CBLB: variants seen among roughly 807,000 people sequenced by gnomAD.
CBLB encodes the protein Cbl proto-oncogene B, also known as E3 ubiquitin-protein ligase CBL-B.
CBLB carries 31 observed loss-of-function variants against 104.9 expected under a neutral mutation model. That is an observed-to-expected ratio of 0.30 (90% CI 0.22 to 0.40). The LOEUF (loss-of-function observed/expected upper bound fraction) is 0.40, where lower values mean the gene tolerates loss of function less well. Among genes scored for constraint, CBLB ranks in the 10% least tolerant of loss-of-function variants. CBLB has a pLI of 1.00. For missense variants in CBLB, 1,062 were observed against 1,214.6 expected (o/e 0.87, Z 1.87); for synonymous variants, 440 against 422.6 (o/e 1.04, Z -0.51).
At chr3:105,786,819 A>G (rs1266752030) in intron 3 of CBLB, among the ~76,000 whole-genome samples, 2 of 152,226 alleles carry the variant, frequency 1.3e-5, no homozygotes, top group African/African-American at 4.8e-5. Context: ...CAGAATAGTT[A>G]TATAGATAAA....
chr3:105,674,983 T>C (rs544764919), intron 17 of CBLB, among the ~76,000 whole-genome samples: 7 of 152,240 alleles, frequency 4.6e-5, no homozygotes, highest in African/African-American at 1.7e-4. Flanking sequence ...AATTTGACAA[T>C]CACTACTATA....
At chr3:105,857,693 C>G (rs1157399130) in intron 2 of CBLB, among the ~76,000 whole-genome samples, 2 of 152,090 alleles carry the variant, frequency 1.3e-5, no homozygotes, top group Non-Finnish European at 2.9e-5. Context: ...ATTCCATTTG[C>G]AAATTTACGT....
intron 3 of CBLB, among the ~76,000 whole-genome samples, chr3:105,803,553 T>C (rs2083146001): frequency 6.6e-6 from 1 of 152,154 alleles, no homozygotes; most frequent in South Asian, 2.1e-4. Flanking sequence ...AAGTCGAAAG[T>C]CAGGTAAGGC....
At chr3:105,760,341 T>A (rs1417493930) in intron 4 of CBLB, among the ~76,000 whole-genome samples, 1 of 152,186 alleles carries the variant, frequency 6.6e-6, no homozygotes, top group Non-Finnish European at 1.5e-5. Context: ...AGCCACTGAC[T>A]GTAAAAAATA....
chr3:105,860,277 T>G lies in CBLB; in HGVS notation c.169-6613A>C, dbSNP rs554070033. On this transcript the variant is annotated intron_variant, in intron 2 of 18. Transcript: ENST00000394030. ...GGTAAGGACGAACCTCTCAGGAAAA[T>G]TATATTACAAATAGCATATCCACAA... Among the ~76,000 whole-genome samples, 6 of 152,184 alleles carry G rather than the reference T, an allele frequency of 3.9e-5. No homozygotes were observed. The South Asian group carries it at 1.2e-3, about 32-fold the overall frequency.
chr3:105,794,567 T>C (rs1293815843), intron 3 of CBLB, among the ~76,000 whole-genome samples: 2 of 152,190 alleles, frequency 1.3e-5, no homozygotes, highest in Non-Finnish European at 2.9e-5. Flanking sequence ...CCTAAAGCTG[T>C]GACAGACCCA....
intron 18 of CBLB, among the ~76,000 whole-genome samples, chr3:105,662,067 G>A (rs16851417): frequency 0.018 from 2,678 of 152,256 alleles, 73 homozygotes; most frequent in African/African-American, 0.061. Flanking sequence ...GCAAGATCTG[G>A]TGCAACCTGA....
intron 3 of CBLB, among the ~76,000 whole-genome samples, chr3:105,835,629 C>T (rs1324375151): frequency 6.6e-6 from 1 of 152,212 alleles, no homozygotes; most frequent in African/African-American, 2.4e-5. Context: ...GGATTGCTAA[C>T]ATATTAAAAT....
At chr3:105,676,508 T>C (rs1176082619) in intron 17 of CBLB, among the ~76,000 whole-genome samples, 6 of 152,120 alleles carry the variant, frequency 3.9e-5, no homozygotes, top group South Asian at 2.1e-4. Context: ...AAGTTACGCA[T>C]ATAAAAGGTA....
At chr3:105,806,497 A>T (rs1405679896) in intron 3 of CBLB, among the ~76,000 whole-genome samples, 1 of 151,634 alleles carries the variant, frequency 6.6e-6, no homozygotes, top group Admixed American at 6.6e-5. Flanking sequence ...AAAAAAAAAC[A>T]GAAATTGTGT....
intron 3 of CBLB, among the ~76,000 whole-genome samples, chr3:105,813,523 C>A (rs1200222734): frequency 1.3e-5 from 2 of 151,970 alleles, no homozygotes; most frequent in Non-Finnish European, 2.9e-5. Flanking sequence ...AAAAATGAGT[C>A]CTAATTTCAA....
At chr3:105,847,137 GT>G (rs1428203563) in intron 3 of CBLB, among the ~76,000 whole-genome samples, 1 of 151,906 alleles carries the variant, frequency 6.6e-6, no homozygotes. Context: ...ATTGCAAAAT[GT>G]TTTTTGGTAC....
chr3:105,827,789 T>C (rs2086816649), intron 3 of CBLB, among the ~76,000 whole-genome samples: 1 of 152,168 alleles, frequency 6.6e-6, no homozygotes, highest in African/African-American at 2.4e-5. Context: ...TGAATAACTG[T>C]AATATAAAAG....
At position 105,696,153 on chromosome 3, in the gene CBLB, T is replaced by G. The variant is rs565229525; in HGVS notation, c.1960-2565A>C. ...TATTCCTATAAACTGTTCATAAATATGTACTGAGAGTTGACAATACGCCTA... is the reference window on the plus strand; with the variant it reads ...TATTCCTATAAACTGTTCATAAATAGGTACTGAGAGTTGACAATACGCCTA... On this transcript the variant is annotated intron_variant, in intron 12 of 18. Transcript: ENST00000394030. Among the ~76,000 whole-genome samples, 141 of 151,768 alleles carry G rather than the reference T, an allele frequency of 9.3e-4. 2 individuals are homozygous for G. The highest frequency in any genetic ancestry group is 1.9e-3 in the Admixed American group (29 of 15,224).
intron 3 of CBLB, among the ~76,000 whole-genome samples, chr3:105,797,962 A>C (rs1271026981): frequency 6.6e-6 from 1 of 152,252 alleles, no homozygotes; most frequent in Non-Finnish European, 1.5e-5. Flanking sequence ...ACAACGGTAG[A>C]AGCACTGCAA....
At chr3:105,785,011 C>T (rs553651244) in intron 3 of CBLB, among the ~76,000 whole-genome samples, 54 of 152,272 alleles carry the variant, frequency 3.5e-4, no homozygotes, top group Admixed American at 1.3e-3. Flanking sequence ...CTTTTCCCTA[C>T]CCCTTCCCAT....
intron 3 of CBLB, among the ~76,000 whole-genome samples, chr3:105,822,587 G>C (rs925873394): frequency 2.0e-5 from 3 of 152,056 alleles, no homozygotes; most frequent in Non-Finnish European, 4.4e-5. Flanking sequence ...TGGAGTGAAG[G>C]GATAACACTA....
intron 3 of CBLB, among the ~76,000 whole-genome samples, chr3:105,795,519 T>C (rs2082158612): frequency 6.6e-6 from 1 of 152,182 alleles, no homozygotes; most frequent in African/African-American, 2.4e-5. Context: ...CCCCTTATTC[T>C]CTGGATAAAG....
Position 105,868,972 on chromosome 3 carries a change from C to A in CBLB, c.-251G>T. 1 of 1,028,574 alleles carries A rather than the reference C, an allele frequency of 9.7e-7. No homozygotes were observed. The highest frequency in any genetic ancestry group is 3.4e-5 in the South Asian group (1 of 29,638). The allele number at this position is 1,028,574 out of a possible 1,614,324, so 63.7% of individuals were successfully genotyped here. A position where few individuals can be genotyped will look rare whatever the true frequency, so the allele number is the denominator to read the frequency against. On this transcript the variant is annotated 5_prime_UTR_variant, in exon 1 of 19. Coordinates refer to ENST00000394030, the MANE Select transcript of CBLB (RefSeq NM_170662.5). Reference sequence around the variant, plus strand: ...CCCGACTCGGGGAGGCCGCGGGACGCCGCAGCAGCACTAGCAGGAGGAGGA... The same window carrying A: ...CCCGACTCGGGGAGGCCGCGGGACGACGCAGCAGCACTAGCAGGAGGAGGA...
Sources: gnomAD v4.1 joint callset for allele counts (sites outside exome capture counted in the v4.1 genomes callset) on GRCh38, gnomAD v4.1.1 for gene constraint, MANE v1.5 for transcripts, NCBI Gene and HGNC (gene_info 2026-07-23, HGNC 2026-07-21) for gene names.